GDA: variants seen among roughly 807,000 people sequenced by gnomAD.
The protein encoded by GDA is guanine deaminase, also known as cytoplasmic PSD-95 interactor.
In GDA, 18 loss-of-function variants were observed where a neutral mutation model predicts 59.6. That is an observed-to-expected ratio of 0.30 (90% CI 0.21 to 0.45). The LOEUF (loss-of-function observed/expected upper bound fraction) is 0.45, where lower values mean the gene tolerates loss of function less well. Ranked by LOEUF, GDA falls within the 20% of genes least tolerant of loss-of-function variation. The pLI is 1.00. For missense variants in GDA, 427 were observed against 552.3 expected, an observed-to-expected ratio of 0.77 and a Z score of 2.27; for synonymous variants, 201 against 201.1, an observed-to-expected ratio of 1.00 and a Z score of 0.00.
In GDA at chr9:72,223,179, G is replaced by A; in HGVS notation, c.666G>A (p.Leu222=). Residue 222 remains leucine, a synonymous_variant, in exon 7 of 14, where the codon TTG becomes TTA. Transcript: ENST00000358399. ...TTTCCCTCTCCTGCTCTGAGACTTT[G>A]ATGGGTGAACTGGGCAACATTGCTA... The part of the protein sequence containing the change: ...PRFSLSCSET[L]MGELGNIAKT... 6.2e-7 allele frequency: 1 copy of A among 1,613,510 alleles called. No homozygotes were observed. The highest frequency in any genetic ancestry group is 2.2e-5 in the East Asian group (1 of 44,858).
intron 11 of GDA, among the ~76,000 whole-genome samples, chr9:72,244,023 A>G (rs60904788): frequency 5.9e-5 from 9 of 152,070 alleles, no homozygotes; most frequent in African/African-American, 1.9e-4. Context: ...AAAATACACA[A>G]AAAATTAGCC....
intron 1 of GDA, among the ~76,000 whole-genome samples, chr9:72,138,827 A>G (rs986877342): frequency 6.6e-6 from 1 of 152,240 alleles, no homozygotes; most frequent in African/African-American, 2.4e-5. Context: ...TCATAGACTA[A>G]ATGAATGAGA....
At chr9:72,209,022 T>C (rs1275433431) in intron 3 of GDA, among the ~76,000 whole-genome samples, 1 of 152,106 alleles carries the variant, frequency 6.6e-6, no homozygotes, top group Non-Finnish European at 1.5e-5. Flanking sequence ...TTTGAAGGCA[T>C]TGTTCTGCTT....
intron 13 of GDA, 61 bp downstream of exon 13, chr9:72,247,494 G>A: frequency 4.6e-6 from 4 of 873,024 alleles, no homozygotes; most frequent in Non-Finnish European, 7.7e-6. Context: ...TCTTTTTCTT[G>A]GGTATGGCTC....
intron 3 of GDA, among the ~76,000 whole-genome samples, chr9:72,206,728 C>T (rs926738329): frequency 1.3e-5 from 2 of 151,946 alleles, no homozygotes; most frequent in South Asian, 2.1e-4. Context: ...AGCCAAGGTG[C>T]ACCATTGCAC....
chr9:72,184,590 T>G (rs1831639920), intron 1 of GDA, among the ~76,000 whole-genome samples: 1 of 152,162 alleles, frequency 6.6e-6, no homozygotes. Flanking sequence ...CGCAGTTTAT[T>G]TATCCATTCT....
At chr9:72,239,506 A>G (rs544762264) in intron 10 of GDA, among the ~76,000 whole-genome samples, 24 of 152,216 alleles carry the variant, frequency 1.6e-4, no homozygotes, top group African/African-American at 4.8e-4. Context: ...CATTGCTTTC[A>G]TTTCTCTATG....
At chr9:72,138,927 G>A (rs1826342832) in intron 1 of GDA, among the ~76,000 whole-genome samples, 1 of 152,178 alleles carries the variant, frequency 6.6e-6, no homozygotes, top group Non-Finnish European at 1.5e-5. Flanking sequence ...ATTGACTAGG[G>A]AAAGAGAATA....
At position 72,250,465 on chromosome 9, in the gene GDA, A is replaced by G; in HGVS notation, c.*2123A>G. ...TCTGATAGTGTGTTAAGACCTGAAT[A>G]TCTTTCCTAGTAAAAATAGGATGTG... On this transcript the variant is annotated 3_prime_UTR_variant, in exon 14 of 14. Coordinates refer to ENST00000358399, the MANE Select transcript of GDA (RefSeq NM_004293.5). 7.7e-7 allele frequency: 1 copy of G among 1,306,356 alleles called. No individual in the cohort carries two copies. Among genetic ancestry groups the G allele is most frequent in the East Asian group, 3.5e-5 (1 of 28,790 alleles). 80.9% of individuals were successfully genotyped at this position (1,306,356 alleles called of 1,614,324 possible).
chr9:72,255,660 C>T (rs1248231146), downstream of GDA, among the ~76,000 whole-genome samples: 3 of 152,154 alleles, frequency 2.0e-5, no homozygotes, highest in East Asian at 5.8e-4. Flanking sequence ...ATTTATATAA[C>T]CACAACAAAC....
chr9:72,140,110 G>A (rs1157805380), intron 1 of GDA, among the ~76,000 whole-genome samples: 1 of 152,172 alleles, frequency 6.6e-6, no homozygotes, highest in Non-Finnish European at 1.5e-5. Flanking sequence ...TGGGGCATGA[G>A]ACCCAGATCA....
chr9:72,145,171 C>T (rs1182844576), upstream of GDA, among the ~76,000 whole-genome samples: 7 of 152,060 alleles, frequency 4.6e-5, no homozygotes, highest in Non-Finnish European at 1.0e-4. Context: ...TTTCTCAAGG[C>T]CCATTATTCC....
At chr9:72,208,013 G>T (rs890599011) in intron 3 of GDA, among the ~76,000 whole-genome samples, 1 of 152,020 alleles carries the variant, frequency 6.6e-6, no homozygotes, top group African/African-American at 2.4e-5. Context: ...GAGGTGGAAG[G>T]CTCTCTTGAT....
chr9:72,249,114 T>C lies in GDA; in HGVS notation c.*772T>C. The C allele has an allele frequency of 4.1e-6, 4 of 976,228 alleles. No individual in the cohort carries two copies. Among genetic ancestry groups the C allele is most frequent in the Non-Finnish European group, 4.9e-6 (4 of 821,236 alleles). 60.5% of individuals were successfully genotyped at this position (976,228 alleles called of 1,614,324 possible). ...CTCCATGGCATAAATAGTTGTATTT[T>C]TGTGTACTTTAAAATCAACTTATAA... On this transcript the variant is annotated 3_prime_UTR_variant, in exon 14 of 14. Transcript: ENST00000358399.
At chr9:72,153,540 T>C (rs1408890036) in intron 1 of GDA, among the ~76,000 whole-genome samples, 3 of 150,748 alleles carry the variant, frequency 2.0e-5, no homozygotes, top group Non-Finnish European at 4.4e-5. Context: ...CGTATGTTTA[T>C]TGTGGCACTA....
intron 1 of GDA, among the ~76,000 whole-genome samples, chr9:72,183,807 G>A (rs1028985760): frequency 6.6e-6 from 1 of 152,070 alleles, no homozygotes; most frequent in African/African-American, 2.4e-5. Flanking sequence ...ATTATTATCA[G>A]ACATCCCATC....
chr9:72,248,421 T>A lies in GDA; in HGVS notation c.*79T>A. 1.3e-6 allele frequency: 2 copies of A among 1,598,664 alleles called. No homozygotes were observed. Among genetic ancestry groups the A allele is most frequent in the South Asian group, 1.1e-5 (1 of 88,470 alleles). ...CTTGTGCCCAGGTGGAGTTAGAAAG[T>A]CAAAAAATAGTACCTTGTTCTTGGG... On this transcript the variant is annotated 3_prime_UTR_variant, in exon 14 of 14. Transcript: ENST00000358399.
intron 7 of GDA, 74 bp from the exon 8 acceptor site, chr9:72,225,601 CCA>C (rs1837452734): frequency 1.1e-5 from 8 of 715,082 alleles, no homozygotes; most frequent in African/African-American, 3.5e-5. Context: ...ACCATTCACA[CCA>C]TTTTGAGGTA....
At chr9:72,233,421 GA>G (rs1321918720) in intron 10 of GDA, among the ~76,000 whole-genome samples, 1 of 152,164 alleles carries the variant, frequency 6.6e-6, no homozygotes, top group Admixed American at 6.5e-5. Flanking sequence ...ATGGTTCTAT[GA>G]AAAGATTGTG....
Sources: gnomAD v4.1 joint callset for allele counts (sites outside exome capture counted in the v4.1 genomes callset) on GRCh38, gnomAD v4.1.1 for gene constraint, MANE v1.5 for transcripts, NCBI Gene and HGNC (gene_info 2026-07-23, HGNC 2026-07-21) for gene names.